SIPA1L3: variants seen among roughly 807,000 people sequenced by gnomAD.
SIPA1L3 encodes signal-induced proliferation-associated 1-like protein 3.
In SIPA1L3, 59 loss-of-function variants were observed where a neutral mutation model predicts 150.1. That is an observed-to-expected ratio of 0.39 (90% CI 0.32 to 0.49). The LOEUF (loss-of-function observed/expected upper bound fraction) is 0.49. Among genes scored for constraint, SIPA1L3 ranks in the 20% least tolerant of loss-of-function variants. The pLI is 0.86. For synonymous variants in SIPA1L3, 1,070 were observed against 1,077.6 expected, an observed-to-expected ratio of 0.99 and a Z score of 0.14; for missense variants, 2,211 against 2,489.5, an observed-to-expected ratio of 0.89 and a Z score of 2.38.
intron 1 of SIPA1L3, among the ~76,000 whole-genome samples, chr19:37,927,062 A>G (rs561940814): frequency 4.6e-5 from 7 of 151,192 alleles, no homozygotes; most frequent in East Asian, 1.9e-4. Context: ...TTACATGAGT[A>G]TATTGTGTGA....
At chr19:38,100,972 G>T in intron 5 of SIPA1L3, 80 bp from the exon 6 acceptor site, 1 of 1,438,738 alleles carries the variant, frequency 7.0e-7, no homozygotes, top group Non-Finnish European at 9.1e-7. Flanking sequence ...AGGGCCTCAG[G>T]CCTCAGACAT....
chr19:38,158,164 T>G (rs1971991964), intron 13 of SIPA1L3, among the ~76,000 whole-genome samples: 1 of 149,496 alleles, frequency 6.7e-6, no homozygotes, highest in South Asian at 2.2e-4. Flanking sequence ...ACCCGGGAGG[T>G]GGAGGTTGCA....
intron 1 of SIPA1L3, among the ~76,000 whole-genome samples, chr19:37,953,878 A>G (rs1310032872): frequency 1.3e-5 from 2 of 152,332 alleles, no homozygotes; most frequent in East Asian, 3.9e-4. Flanking sequence ...GATTATTCAA[A>G]TTTAATCTGA....
intron 1 of SIPA1L3, among the ~76,000 whole-genome samples, chr19:37,921,251 C>T (rs572115950): frequency 5.3e-4 from 80 of 152,332 alleles, no homozygotes; most frequent in Non-Finnish European, 8.1e-4. Context: ...GCTCCCCGCT[C>T]CCATCACTGC....
chr19:38,117,568 G>A lies in SIPA1L3; in HGVS notation c.2292-1738G>A, dbSNP rs190545116. Among the ~76,000 whole-genome samples the A allele has an allele frequency of 6.8e-3, 1,034 of 151,676 alleles. 12 individuals are homozygous for A. The highest frequency in any genetic ancestry group is 0.024 in the African/African-American group (988 of 41,334). ...CGGGAGGCGGAGGTTGTGGTGAGCC[G>A]AGATTGTGCCATTGTACTCCAGCCT... On this transcript the variant is annotated intron_variant, in intron 8 of 21. Coordinates refer to ENST00000222345, the MANE Select transcript of SIPA1L3 (RefSeq NM_015073.3).
At chr19:38,093,387 CA>C (rs1970304942) in intron 4 of SIPA1L3, among the ~76,000 whole-genome samples, 1 of 152,174 alleles carries the variant, frequency 6.6e-6, no homozygotes, top group Admixed American at 6.5e-5. Context: ...ACCTTGGGCA[CA>C]TGGCTCCTTT....
intron 1 of SIPA1L3, among the ~76,000 whole-genome samples, chr19:37,934,685 CTG>C (rs1371377329): frequency 7.0e-6 from 1 of 143,244 alleles, no homozygotes; most frequent in East Asian, 2.3e-4. Context: ...GGTTCCACCC[CTG>C]TGTCAGCATC....
At position 38,164,873 on chromosome 19, in the gene SIPA1L3, C is replaced by T. The variant is rs376302668; in HGVS notation, c.4175C>T (p.Ala1392Val). The change falls in exon 15 of 22, where the codon GCG (alanine) becomes GTG (valine). Residue 1392 changes from alanine (A) to valine (V), a missense_variant. By Grantham distance (64) the Ala-to-Val change is moderately conservative (BLOSUM62 0). Transcript: ENST00000222345. This position sits in a 1 kb window ranked among gnomAD's most constrained non-coding sequence, Gnocchi z 4.1. Reference protein sequence around the residue: ...SSGSSTPTGLAGGSRDPPRQP... With the variant: ...SSGSSTPTGLVGGSRDPPRQP... ...GGCTCCAGCACCCCCACGGGACTGG[C>T]GGGGGGCAGCCGAGACCCACCGAGG... 1.9e-5 allele frequency: 29 copies of T among 1,564,188 alleles called. No individual in the cohort carries two copies. The highest frequency in any genetic ancestry group is 6.7e-5 in the African/African-American group (5 of 74,186).
chr19:38,150,130 G>A (rs1971784818), intron 12 of SIPA1L3, among the ~76,000 whole-genome samples: 1 of 152,160 alleles, frequency 6.6e-6, no homozygotes, highest in Non-Finnish European at 1.5e-5. Context: ...TGGAAACTGG[G>A]CCCTCAGACA....
chr19:38,170,840 G>A (rs332855), intron 15 of SIPA1L3, among the ~76,000 whole-genome samples: 52,185 of 151,822 alleles, frequency 0.34, 10,330 homozygotes, highest in Middle Eastern at 0.52. Flanking sequence ...GGATGAGGGG[G>A]ACAGGGAGGA....
intron 15 of SIPA1L3, among the ~76,000 whole-genome samples, chr19:38,166,745 C>T (rs746928315): frequency 5.3e-5 from 8 of 152,164 alleles, no homozygotes; most frequent in Admixed American, 1.3e-4. Context: ...TAGCCTGAGT[C>T]CCCGATAGCC....
chr19:38,108,409 T>A (rs1026383183), intron 7 of SIPA1L3: 5 of 152,212 alleles, frequency 3.3e-5, no homozygotes, highest in African/African-American at 1.2e-4. Context: ...TTAACGCCTC[T>A]CGGGGTTGTT....
chr19:38,119,705 G>A lies in SIPA1L3; in HGVS notation c.2691G>A (p.Val897=), dbSNP rs1341372627. 1 of 1,614,186 alleles carries A rather than the reference G, an allele frequency of 6.2e-7. No homozygotes were observed. Among genetic ancestry groups the A allele is most frequent in the Admixed American group, 1.7e-5 (1 of 60,014 alleles). The change falls in exon 9 of 22, where the codon GTG becomes GTA. Residue 897 remains valine, a synonymous_variant. Coordinates refer to ENST00000222345, the MANE Select transcript of SIPA1L3 (RefSeq NM_015073.3). ...TTTTGGGAATTTCCAATGAGTTTGT[G>A]GTGCTCCTGGACTTACGCACCAAGG... The part of the protein sequence containing the change: ...DCILGISNEF[V]VLLDLRTKEV...
intron 2 of SIPA1L3, among the ~76,000 whole-genome samples, chr19:38,033,862 A>G (rs1379062480): frequency 1.3e-5 from 2 of 152,070 alleles, no homozygotes; most frequent in East Asian, 3.8e-4. Context: ...TTGGCAAACA[A>G]TTACCATGGG....
Position 38,141,446 on chromosome 19 carries a change from G to A in SIPA1L3, c.3395+11G>A. ...ACTGCACAGCAAGAGGTAAGCACCT[G>A]CTGGGGGGACCAATACTTCCCAACC... On this transcript the variant is annotated intron_variant, in intron 11 of 21. Transcript: ENST00000222345. The A allele has an allele frequency of 6.2e-7, 1 of 1,602,488 alleles. No homozygotes were observed. The highest frequency in any genetic ancestry group is 8.5e-7 in the Non-Finnish European group (1 of 1,178,624).
intron 10 of SIPA1L3, among the ~76,000 whole-genome samples, chr19:38,137,950 G>T (rs1475361079): frequency 1.3e-5 from 2 of 151,872 alleles, no homozygotes; most frequent in African/African-American, 4.8e-5. Flanking sequence ...GGCCAACATG[G>T]TGAAACCCCA....
intron 1 of SIPA1L3, among the ~76,000 whole-genome samples, chr19:37,980,132 C>A (rs1040195997): frequency 1.3e-5 from 2 of 152,166 alleles, no homozygotes; most frequent in Admixed American, 6.5e-5. Context: ...TTATTTGTGG[C>A]ACTTAAATAA....
intron 1 of SIPA1L3, among the ~76,000 whole-genome samples, chr19:37,942,353 C>T (rs889693510): frequency 2.6e-5 from 4 of 151,650 alleles, no homozygotes; most frequent in South Asian, 4.2e-4. Context: ...AAACTGGGGT[C>T]GTTGGGGGAG....
intron 13 of SIPA1L3, among the ~76,000 whole-genome samples, chr19:38,159,615 G>A (rs1028883873): frequency 1.3e-5 from 2 of 152,228 alleles, no homozygotes. Context: ...GAGGAGGCAG[G>A]GCTTGACAGC....
Sources: gnomAD v4.1 joint callset for allele counts (sites outside exome capture counted in the v4.1 genomes callset) on GRCh38, gnomAD v4.1.1 for gene constraint, Gnocchi (gnomAD v3.1) non-coding constraint, MANE v1.5 for transcripts, NCBI Gene and HGNC (gene_info 2026-07-23, HGNC 2026-07-21) for gene names.